Variants in CHST11 observed in about 807,000 individuals in gnomAD.
CHST11 encodes C4S-1.
CHST11 carries 9 observed loss-of-function variants against 30.4 expected under a neutral mutation model. That is an observed-to-expected ratio of 0.30 (90% confidence interval 0.18 to 0.52). CHST11 has a LOEUF of 0.52. Ranked by LOEUF, CHST11 falls within the 20% of genes least tolerant of loss-of-function variation. The pLI, the probability that CHST11 is intolerant of heterozygous loss-of-function variation, is 0.97. For synonymous variants in CHST11, 152 were observed against 187.8 expected (o/e 0.81, Z 1.56); for missense variants, 348 against 460.6 (o/e 0.76, Z 2.24).
chr12:104,565,553 C>T lies in CHST11; in HGVS notation c.119-36353C>T, dbSNP rs187312825. Among the ~76,000 whole-genome samples the T allele has an allele frequency of 2.2e-4, 33 of 152,196 alleles. No individual in the cohort carries two copies. In the East Asian group the frequency reaches 6.4e-3, roughly 29 times the overall value. On this transcript the variant is annotated intron_variant, in intron 1 of 2. Transcript: ENST00000303694. ...AAGTGCTGGGATTACAGGCATAAAC[C>T]ACTGTGCCTGGCCTCTAGGACTTTT...
At chr12:104,737,032 A>G (rs2040306806) in intron 2 of CHST11, among the ~76,000 whole-genome samples, 1 of 152,152 alleles carries the variant, frequency 6.6e-6, no homozygotes. Flanking sequence ...TTCCTTTAAC[A>G]CCATTTATAG....
chr12:104,717,894 G>A (rs1328774617), intron 2 of CHST11, among the ~76,000 whole-genome samples: 1 of 152,144 alleles, frequency 6.6e-6, no homozygotes, highest in African/African-American at 2.4e-5. Flanking sequence ...AGGTTGCAGT[G>A]AGCCAAGATT....
At chr12:104,490,269 C>G (rs1330627429) in intron 1 of CHST11, among the ~76,000 whole-genome samples, 1 of 152,182 alleles carries the variant, frequency 6.6e-6, no homozygotes, top group Non-Finnish European at 1.5e-5. Flanking sequence ...TACTAACTTT[C>G]CCACCCTCTG....
chr12:104,716,853 A>G (rs1055698123), intron 2 of CHST11, among the ~76,000 whole-genome samples: 3 of 152,266 alleles, frequency 2.0e-5, no homozygotes, highest in Non-Finnish European at 4.4e-5. Flanking sequence ...GTTTCAAACA[A>G]TACACATTTA....
At position 104,761,419 on chromosome 12, in the gene CHST11, G is replaced by A. The variant is rs1410229920; in HGVS notation, c.*3616G>A. ...GATCAGTGCTGAGATAGAGTTGGCA[G>A]AAGAAGCAGAGGCACTCTGCTTGCT... On this transcript the variant is annotated 3_prime_UTR_variant, in exon 3 of 3. Coordinates refer to ENST00000303694, the MANE Select transcript of CHST11 (RefSeq NM_018413.6). 1 of 151,470 alleles carries A rather than the reference G, an allele frequency of 6.6e-6. No individual in the cohort carries two copies. Among genetic ancestry groups the A allele is most frequent in the Admixed American group, 6.6e-5 (1 of 15,194 alleles). 9.4% of individuals were successfully genotyped at this position (151,470 alleles called of 1,614,324 possible). A position where few individuals can be genotyped will look rare whatever the true frequency, so the allele number is the denominator to read the frequency against.
intron 2 of CHST11, among the ~76,000 whole-genome samples, chr12:104,710,876 T>C (rs995459370): frequency 1.3e-5 from 2 of 152,200 alleles, no homozygotes; most frequent in African/African-American, 2.4e-5. Flanking sequence ...CCCCATCTCC[T>C]AAAATCCAAC....
At chr12:104,718,834 A>T (rs553116103) in intron 2 of CHST11, among the ~76,000 whole-genome samples, 35 of 152,208 alleles carry the variant, frequency 2.3e-4, no homozygotes, top group Non-Finnish European at 4.4e-4. Context: ...ACGAGAGTGG[A>T]GTCGACACAG....
chr12:104,582,808 G>A (rs1565995707), intron 1 of CHST11, among the ~76,000 whole-genome samples: 1 of 151,686 alleles, frequency 6.6e-6, no homozygotes, highest in Non-Finnish European at 1.5e-5. Context: ...CTGGCATTCA[G>A]CATTGTATAG....
intron 2 of CHST11, among the ~76,000 whole-genome samples, chr12:104,640,273 A>G (rs1336475146): frequency 6.6e-6 from 1 of 152,256 alleles, no homozygotes; most frequent in African/African-American, 2.4e-5. Context: ...AAAAATCTGC[A>G]CACAAATGTT....
At chr12:104,635,895 C>T (rs1408587939) in intron 2 of CHST11, among the ~76,000 whole-genome samples, 4 of 152,204 alleles carry the variant, frequency 2.6e-5, no homozygotes, top group African/African-American at 7.2e-5. Context: ...AAACAGCTCC[C>T]AGGCCAACAC....
In CHST11 at chr12:104,488,373, G is replaced by C. The variant is rs367729559; in HGVS notation, c.118+30844G>C. Among the ~76,000 whole-genome samples, 3 of 151,690 alleles carry C rather than the reference G, an allele frequency of 2.0e-5. No individual in the cohort carries two copies. In the East Asian group the frequency reaches 5.8e-4, roughly 29 times the overall value. On this transcript the variant is annotated intron_variant, in intron 1 of 2. Transcript: ENST00000303694. ...TGCATGTGTGTGCGTATGTGTATGC[G>C]TGTGTATGTGTGTGTATGTGTGCGT...
intron 1 of CHST11, among the ~76,000 whole-genome samples, chr12:104,463,817 A>G (rs778128488): frequency 2.0e-4 from 30 of 152,288 alleles, no homozygotes; most frequent in African/African-American, 6.5e-4. Flanking sequence ...ACACAAGTCA[A>G]ATCTGGTCCC....
chr12:104,530,108 G>A (rs1226398793), intron 1 of CHST11, among the ~76,000 whole-genome samples: 2 of 152,246 alleles, frequency 1.3e-5, no homozygotes, highest in African/African-American at 2.4e-5. Flanking sequence ...GCTGTGAGCC[G>A]AGATTGCGCC....
chr12:104,743,335 T>A (rs2040363601), intron 2 of CHST11, among the ~76,000 whole-genome samples: 1 of 152,172 alleles, frequency 6.6e-6, no homozygotes, highest in Non-Finnish European at 1.5e-5. Context: ...CCTTCCTAAC[T>A]GCACCCAGGG....
chr12:104,484,961 G>A (rs2037662263), intron 1 of CHST11, among the ~76,000 whole-genome samples: 1 of 152,168 alleles, frequency 6.6e-6, no homozygotes. Flanking sequence ...TACACACACG[G>A]GTGCCGTCTG....
At chr12:104,490,912 G>A (rs1376125687) in intron 1 of CHST11, among the ~76,000 whole-genome samples, 1 of 152,108 alleles carries the variant, frequency 6.6e-6, no homozygotes, top group Non-Finnish European at 1.5e-5. Flanking sequence ...AACACAGGGC[G>A]ATCTTTGGCA....
chr12:104,491,638 G>A (rs566558910), intron 1 of CHST11, among the ~76,000 whole-genome samples: 9 of 151,860 alleles, frequency 5.9e-5, no homozygotes, highest in African/African-American at 2.2e-4. Context: ...CTGGCTAATT[G>A]AAAAAAGAAA....
intron 2 of CHST11, among the ~76,000 whole-genome samples, chr12:104,756,314 G>A (rs1347300848): frequency 6.6e-6 from 1 of 152,184 alleles, no homozygotes; most frequent in Non-Finnish European, 1.5e-5. Context: ...TAGACTGTGA[G>A]TACTGGTTTG....
intron 2 of CHST11, among the ~76,000 whole-genome samples, chr12:104,654,917 A>G (rs1253611235): frequency 7.4e-6 from 1 of 134,336 alleles, no homozygotes; most frequent in African/African-American, 2.6e-5. Flanking sequence ...TGGTCATAGC[A>G]TCCTCATTAT....
Sources: allele counts gnomAD v4.1 joint callset (sites outside exome capture counted in the v4.1 genomes callset), GRCh38; gene constraint gnomAD v4.1.1; transcripts MANE v1.5; gene names NCBI Gene and HGNC (gene_info 2026-07-23, HGNC 2026-07-21).